Variants in SCNN1B observed in about 807,000 individuals in gnomAD.
SCNN1B encodes sodium channel epithelial 1 subunit beta, also known as epithelial sodium channel subunit beta.
Under a neutral mutation model 65.3 loss-of-function variants are expected in SCNN1B, and 46 were observed. That is an observed-to-expected ratio of 0.70 (90% CI 0.56 to 0.90). SCNN1B has a LOEUF of 0.90. SCNN1B is among the 40% of genes least tolerant of loss of function. The pLI is 0.00. For synonymous variants in SCNN1B, 349 were observed against 330.6 expected, an observed-to-expected ratio of 1.06 and a Z score of -0.60; for missense variants, 751 against 830.5, an observed-to-expected ratio of 0.90 and a Z score of 1.18.
chr16:23,341,347 A>G (rs927649575), intron 1 of SCNN1B, among the ~76,000 whole-genome samples: 9 of 152,230 alleles, frequency 5.9e-5, no homozygotes, highest in Admixed American at 3.9e-4. Flanking sequence ...CTGGAACTAT[A>G]AAGTCCTTAG....
At chr16:23,357,669 A>G (rs1312422437) in intron 4 of SCNN1B, among the ~76,000 whole-genome samples, 3 of 152,246 alleles carry the variant, frequency 2.0e-5, no homozygotes, top group African/African-American at 7.2e-5. Context: ...AGCAGGACAG[A>G]GCAGCACATA....
chr16:23,307,110 A>C (rs982252030), intron 1 of SCNN1B, among the ~76,000 whole-genome samples: 6 of 152,156 alleles, frequency 3.9e-5, no homozygotes, highest in African/African-American at 1.4e-4. Context: ...TCTGATTCAA[A>C]GCATGTGAGC....
At chr16:23,326,255 TCTC>T (rs1961694714) in intron 1 of SCNN1B, among the ~76,000 whole-genome samples, 1 of 152,112 alleles carries the variant, frequency 6.6e-6, no homozygotes, top group Non-Finnish European at 1.5e-5. Flanking sequence ...AAAATTATCT[TCTC>T]ATTTATTACT....
chr16:23,303,850 T>G, intron 1 of SCNN1B: 1 of 572,674 alleles, frequency 1.7e-6, no homozygotes, highest in Non-Finnish European at 3.1e-6. Context: ...ACCCAGGAGG[T>G]GGAGGTTGCA....
intron 1 of SCNN1B, among the ~76,000 whole-genome samples, chr16:23,334,255 C>T (rs915157363): frequency 1.3e-5 from 2 of 152,084 alleles, no homozygotes; most frequent in African/African-American, 4.8e-5. Context: ...TTACAGTGAA[C>T]CTCCCATGAC....
intron 1 of SCNN1B, among the ~76,000 whole-genome samples, chr16:23,325,769 G>A (rs1453346663): frequency 6.6e-6 from 1 of 151,946 alleles, no homozygotes; most frequent in Non-Finnish European, 1.5e-5. Context: ...TTCAAGGAAG[G>A]AGGCTGGACA....
intron 4 of SCNN1B, 40 bp downstream of exon 4, chr16:23,355,529 C>T: frequency 1.9e-6 from 3 of 1,602,104 alleles, no homozygotes; most frequent in South Asian, 1.1e-5. Flanking sequence ...GGCCCTGGCA[C>T]CGAGAGACAG....
chr16:23,305,288 G>T (rs1961170765), intron 1 of SCNN1B, among the ~76,000 whole-genome samples: 1 of 151,680 alleles, frequency 6.6e-6, no homozygotes, highest in Non-Finnish European at 1.5e-5. Flanking sequence ...TAAATTTTTA[G>T]ATTATTCCCA....
chr16:23,310,290 CAAAAA>C (rs202228096), intron 1 of SCNN1B, among the ~76,000 whole-genome samples: 1 of 93,004 alleles, frequency 1.1e-5, no homozygotes, highest in African/African-American at 4.0e-5. Context: ...TCTGCATGAC[CAAAAA>C]AAAAAAAAAA....
chr16:23,307,818 G>A lies in SCNN1B; in HGVS notation c.-9+5381G>A, dbSNP rs539639657. The stretch of plus-strand genomic sequence containing the variant: ...TAATCCCAACTGCTTGCAAGGCTGA[G>A]GCAGGAGGACCACTTGAGCCCAGGA... On this transcript the variant is annotated intron_variant, in intron 1 of 12. Transcript: ENST00000343070. Among the ~76,000 whole-genome samples, 5 of 152,318 alleles carry A rather than the reference G, an allele frequency of 3.3e-5. No homozygotes were observed. In the East Asian group the frequency reaches 7.7e-4, roughly 24 times the overall value.
At chr16:23,303,577 T>C (rs926539080) in intron 1 of SCNN1B, among the ~76,000 whole-genome samples, 6 of 152,136 alleles carry the variant, frequency 3.9e-5, no homozygotes, top group Non-Finnish European at 7.4e-5. Context: ...TTCCCCCACC[T>C]ACACAGTCAT....
At chr16:23,305,534 T>TATATA (rs1555483371) in intron 1 of SCNN1B, among the ~76,000 whole-genome samples, 129 of 7,340 alleles carry the variant, frequency 0.018, 19 homozygotes, top group East Asian at 0.049. Flanking sequence ...AATATATATA[T>TATATA]TATATATATA....
At chr16:23,283,404 C>T (rs148852857) in intron 1 of SCNN1B, among the ~76,000 whole-genome samples, 5,288 of 152,264 alleles carry the variant, frequency 0.035, 290 homozygotes, top group African/African-American at 0.12. Context: ...GAGCAAGACT[C>T]CATCTCCAAA....
chr16:23,295,517 A>AT, intron 2 of SCNN1B, among the ~76,000 whole-genome samples: 1 of 151,158 alleles, frequency 6.6e-6, no homozygotes, highest in Non-Finnish European at 1.5e-5. Flanking sequence ...GCCTAGCTAA[A>AT]TTTTTTAATT....
chr16:23,294,626 T>C (rs1465710761), intron 2 of SCNN1B, among the ~76,000 whole-genome samples: 2 of 152,172 alleles, frequency 1.3e-5, no homozygotes, highest in Non-Finnish European at 2.9e-5. Context: ...TTCTTCCAGA[T>C]ATCTGCAGAG....
intron 4 of SCNN1B, chr16:23,359,224 C>G (rs1271803065): frequency 3.9e-5 from 6 of 152,164 alleles, no homozygotes; most frequent in Non-Finnish European, 7.3e-5. Flanking sequence ...CCAGCCTTCC[C>G]CATCATTTTA....
At chr16:23,374,285 A>AAAAAAAAAC in intron 7 of SCNN1B, among the ~76,000 whole-genome samples, 1 of 149,258 alleles carries the variant, frequency 6.7e-6, no homozygotes, top group African/African-American at 2.5e-5. Context: ...AAAAAAAAAA[A>AAAAAAAAAC]AAAAGAGGCC....
At position 23,345,009 on chromosome 16, in the gene SCNN1B, A is replaced by AAGAGAGAG. The variant is rs112886828; in HGVS notation, c.-8-3567_-8-3560dup. Among the ~76,000 whole-genome samples the AAGAGAGAG allele has an allele frequency of 3.4e-3, 504 of 148,886 alleles. 1 individual carries two copies. Among genetic ancestry groups the AAGAGAGAG allele is most frequent in the Non-Finnish European group, 5.8e-3 (389 of 66,978 alleles). ...AGCCTGTCGAGAGAGAGGAGAGAGA[A>AAGAGAGAG]AGAGAGAGAGAGAGAGAGAGAGAAC... On this transcript the variant is annotated intron_variant, in intron 1 of 12. Coordinates refer to ENST00000343070, the MANE Select transcript of SCNN1B (RefSeq NM_000336.3).
At chr16:23,289,658 T>C (rs571237453) in intron 2 of SCNN1B, among the ~76,000 whole-genome samples, 1 of 149,678 alleles carries the variant, frequency 6.7e-6, no homozygotes, top group Non-Finnish European at 1.5e-5. Context: ...TACTGTTTAC[T>C]ACTCCAATAT....
Sources: gnomAD v4.1 joint callset for allele counts (sites outside exome capture counted in the v4.1 genomes callset) on GRCh38, gnomAD v4.1.1 for gene constraint, MANE v1.5 for transcripts, NCBI Gene and HGNC (gene_info 2026-07-23, HGNC 2026-07-21) for gene names.